Variants in JAKMIP1 observed in about 807,000 individuals in gnomAD.
JAKMIP1 encodes janus kinase and microtubule interacting protein 1.
In JAKMIP1, 33 loss-of-function variants were observed where a neutral mutation model predicts 113.0. The ratio of observed to expected loss-of-function variants is 0.29; its 90% confidence interval spans 0.22 to 0.39. The LOEUF is 0.39. Ranked by LOEUF, JAKMIP1 falls within the 10% of genes least tolerant of loss-of-function variation. The probability of loss-of-function intolerance (pLI) is 1.00; values close to 1 mark genes in which losing one functional copy is unlikely to be tolerated. For synonymous variants in JAKMIP1, 480 were observed against 459.9 expected, an observed-to-expected ratio of 1.04 and a Z score of -0.56; for missense variants, 813 against 1,080.5, an observed-to-expected ratio of 0.75 and a Z score of 3.47.
chr4:6,179,458 C>T lies in JAKMIP1; in HGVS notation c.-148+20795G>A, dbSNP rs1370779778. Among the ~76,000 whole-genome samples the T allele has an allele frequency of 6.6e-6, 1 of 152,214 alleles. No individual in the cohort carries two copies. Among genetic ancestry groups the T allele is most frequent in the Admixed American group, 6.5e-5 (1 of 15,288 alleles). On this transcript the variant is annotated intron_variant, in intron 1 of 20. Transcript: ENST00000409021. This position sits in a 1 kb window ranked among gnomAD's most constrained non-coding sequence, Gnocchi z 4.5. ...GGAGACCCTGCCCCATCCACCACCACCTCCTTCCTCTACCTTCCTGACACC... is the reference window on the plus strand; with the variant it reads ...GGAGACCCTGCCCCATCCACCACCATCTCCTTCCTCTACCTTCCTGACACC...
rs549031334 is a variant in JAKMIP1, at chr4:6,093,090, G to A, written c.625-7461C>T. Reference sequence around the variant, plus strand: ...CCCCATTACTTCCAAACCTTTGCCAGTGTTTCTCCCTCTGCATAGGATCAC... The same window carrying A: ...CCCCATTACTTCCAAACCTTTGCCAATGTTTCTCCCTCTGCATAGGATCAC... On this transcript the variant is annotated intron_variant, in intron 3 of 20. Transcript: ENST00000409021. This position sits in a 1 kb window ranked among gnomAD's most constrained non-coding sequence, Gnocchi z 4.6. Among the ~76,000 whole-genome samples, 7 of 152,144 alleles carry A rather than the reference G, an allele frequency of 4.6e-5. No individual in the cohort carries two copies. Among genetic ancestry groups the A allele is most frequent in the African/African-American group, 1.4e-4 (6 of 41,492 alleles).
At chr4:6,125,418 T>C (rs1717274462) in intron 1 of JAKMIP1, among the ~76,000 whole-genome samples, 1 of 152,104 alleles carries the variant, frequency 6.6e-6, no homozygotes, top group Non-Finnish European at 1.5e-5. Context: ...GCTCCATCTA[T>C]GGCTACAGTG....
intron 1 of JAKMIP1, among the ~76,000 whole-genome samples, chr4:6,190,985 G>C (rs1727196140): frequency 6.6e-6 from 1 of 152,242 alleles, no homozygotes; most frequent in African/African-American, 2.4e-5. Flanking sequence ...ATCAGAGCTG[G>C]TGTGGGGCAG....
At chr4:6,120,467 A>T (rs1345027898) in intron 1 of JAKMIP1, among the ~76,000 whole-genome samples, 1 of 152,164 alleles carries the variant, frequency 6.6e-6, no homozygotes. Context: ...CTCAGGACCC[A>T]AAAGTTATTG....
rs531721910 is a variant in JAKMIP1 at position 6,139,606 on chromosome 4, A to C, written c.-147-26609T>G. ...CATAGTGAAACCCCATCTCTACTAA[A>C]AATACAAAAATTAGCCAGGTGTGGT... On this transcript the variant is annotated intron_variant, in intron 1 of 20. Coordinates refer to ENST00000409021, the MANE Select transcript of JAKMIP1 (RefSeq NM_001099433.2). The surrounding 1 kb of genome is among the most constrained non-coding windows in gnomAD (Gnocchi z 5.2). 1.3e-5 allele frequency among the ~76,000 whole-genome samples: 2 copies of C among 152,112 alleles called. No individual in the cohort carries two copies. The highest frequency in any genetic ancestry group is 4.2e-4 in the South Asian group (2 of 4,818).
In JAKMIP1 at chr4:6,064,660, G is replaced by C. The variant is rs1054725379; in HGVS notation, c.1431+220C>G. ...GGAAATCAGTGCTGGGGAAAGAAAGGGTCCCCACGTGCTGCCCTCCCATCG... is the reference window on the plus strand; with the variant it reads ...GGAAATCAGTGCTGGGGAAAGAAAGCGTCCCCACGTGCTGCCCTCCCATCG... On this transcript the variant is annotated intron_variant, in intron 9 of 20. Coordinates refer to ENST00000409021, the MANE Select transcript of JAKMIP1 (RefSeq NM_001099433.2). This position sits in a 1 kb window ranked among gnomAD's most constrained non-coding sequence, Gnocchi z 4.3. Among the ~76,000 whole-genome samples the C allele has an allele frequency of 1.3e-5, 2 of 152,044 alleles. No homozygotes were observed. Among genetic ancestry groups the C allele is most frequent in the African/African-American group, 4.8e-5 (2 of 41,396 alleles).
chr4:6,141,497 G>C lies in JAKMIP1; in HGVS notation c.-147-28500C>G, dbSNP rs1005645690. The stretch of plus-strand genomic sequence containing the variant: ...AACAAACACAAAAAACAAAGTGGTA[G>C]ATGAAACCCTTCCTGGGTTGCTGCT... On this transcript the variant is annotated intron_variant, in intron 1 of 20. Coordinates refer to ENST00000409021, the MANE Select transcript of JAKMIP1 (RefSeq NM_001099433.2). The surrounding 1 kb of genome is among the most constrained non-coding windows in gnomAD (Gnocchi z 9.4). 1.3e-5 allele frequency among the ~76,000 whole-genome samples: 2 copies of C among 152,174 alleles called. No individual in the cohort carries two copies. The highest frequency in any genetic ancestry group is 2.9e-5 in the Non-Finnish European group (2 of 68,028).
At chr4:6,117,034 A>T (rs1311013911) in intron 1 of JAKMIP1, among the ~76,000 whole-genome samples, 1 of 152,246 alleles carries the variant, frequency 6.6e-6, no homozygotes, top group Non-Finnish European at 1.5e-5. Context: ...CGGCAACAGC[A>T]GAGCATTAAG....
At chr4:6,028,638 G>A (rs1278478222) in intron 20 of JAKMIP1, among the ~76,000 whole-genome samples, 4 of 152,154 alleles carry the variant, frequency 2.6e-5, no homozygotes, top group African/African-American at 9.7e-5. Context: ...AAATAAGTCA[G>A]CTTCCTCTCT....
At position 6,069,742 on chromosome 4, in the gene JAKMIP1, G is replaced by T; in HGVS notation, c.1303-4734C>A. Among the ~76,000 whole-genome samples the T allele has an allele frequency of 7.9e-6, 1 of 127,284 alleles. No homozygotes were observed. Among genetic ancestry groups the T allele is most frequent in the South Asian group, 2.7e-4 (1 of 3,738 alleles). 83.5% of individuals were successfully genotyped at this position (127,284 alleles called of 152,430 possible). A position where few individuals can be genotyped will look rare whatever the true frequency, so the allele number is the denominator to read the frequency against. Reference sequence around the variant, plus strand: ...CACTCCAGCCTGGGTGACAGGGCAAGATCCTGTCTCAAAAAAAAAAAAAAA... The same window carrying T: ...CACTCCAGCCTGGGTGACAGGGCAATATCCTGTCTCAAAAAAAAAAAAAAA... On this transcript the variant is annotated intron_variant, in intron 8 of 20. Transcript: ENST00000409021. The surrounding 1 kb of genome is among the most constrained non-coding windows in gnomAD (Gnocchi z 4.5).
At chr4:6,104,270 T>C (rs1713547054) in intron 3 of JAKMIP1, among the ~76,000 whole-genome samples, 1 of 152,250 alleles carries the variant, frequency 6.6e-6, no homozygotes, top group Non-Finnish European at 1.5e-5. Flanking sequence ...CTGTGTGTTC[T>C]ACTGTTTGCT....
At chr4:6,095,652 C>A (rs1251863771) in intron 3 of JAKMIP1, among the ~76,000 whole-genome samples, 1 of 152,240 alleles carries the variant, frequency 6.6e-6, no homozygotes, top group Non-Finnish European at 1.5e-5. Context: ...ACTGGCAGAA[C>A]ACACACGGTG....
chr4:6,152,789 A>AATATAT (rs35192547), intron 1 of JAKMIP1, among the ~76,000 whole-genome samples: 2,667 of 135,216 alleles, frequency 0.02, 55 homozygotes, highest in African/African-American at 0.043. Flanking sequence ...TAAAAATACA[A>AATATAT]ATATATATAT....
At chr4:6,169,665 G>A (rs1054605486) in intron 1 of JAKMIP1, among the ~76,000 whole-genome samples, 3 of 150,524 alleles carry the variant, frequency 2.0e-5, no homozygotes, top group African/African-American at 7.3e-5. Context: ...TGACGAAACT[G>A]CTGATCTAAG....
At chr4:6,169,890 G>T (rs1373710034) in intron 1 of JAKMIP1, among the ~76,000 whole-genome samples, 1 of 151,142 alleles carries the variant, frequency 6.6e-6, no homozygotes, top group South Asian at 2.1e-4. Flanking sequence ...GCTCACAAGA[G>T]TGCCTACAAT....
Position 6,135,438 on chromosome 4 carries a change from T to C in JAKMIP1, c.-147-22441A>G, listed in dbSNP as rs1446228083. 1.3e-5 allele frequency among the ~76,000 whole-genome samples: 2 copies of C among 151,958 alleles called. No individual in the cohort carries two copies. The highest frequency in any genetic ancestry group is 2.9e-5 in the Non-Finnish European group (2 of 67,978). On this transcript the variant is annotated intron_variant, in intron 1 of 20. Coordinates refer to ENST00000409021, the MANE Select transcript of JAKMIP1 (RefSeq NM_001099433.2). The surrounding 1 kb of genome is among the most constrained non-coding windows in gnomAD (Gnocchi z 4.9). ...GATCTCGGACTTCCAGTCTCCAGAA[T>C]TGGGAGCAAATGTCTGTGGTGTGAG...
Position 6,142,304 on chromosome 4 carries a change from G to A in JAKMIP1, c.-147-29307C>T, listed in dbSNP as rs767697529. On this transcript the variant is annotated intron_variant, in intron 1 of 20. Transcript: ENST00000409021. The surrounding 1 kb of genome is among the most constrained non-coding windows in gnomAD (Gnocchi z 5.5). ...ACGCTGCAAAGTTTCGAAGAGGCTC[G>A]TACCCATGTATGCCCGCACAGGCAG... is the stretch of plus-strand genomic sequence containing the variant. 7.2e-5 allele frequency among the ~76,000 whole-genome samples: 11 copies of A among 152,064 alleles called. No individual in the cohort carries two copies. The highest frequency in any genetic ancestry group is 1.0e-4 in the Non-Finnish European group (7 of 68,026).
At chr4:6,054,734 A>G (rs931837403) in intron 12 of JAKMIP1, 1 of 456,290 alleles carries the variant, frequency 2.2e-6, no homozygotes, top group African/African-American at 2.0e-5. Context: ...TCAGCCCACT[A>G]CTCCAGCCCT....
At chr4:6,121,666 C>T (rs1716737457) in intron 1 of JAKMIP1, among the ~76,000 whole-genome samples, 1 of 152,246 alleles carries the variant, frequency 6.6e-6, no homozygotes, top group Non-Finnish European at 1.5e-5. Context: ...CACACGCCAT[C>T]TACTCCAGTG....
Sources: allele counts gnomAD v4.1 joint callset (sites outside exome capture counted in the v4.1 genomes callset), GRCh38; gene constraint gnomAD v4.1.1; non-coding constraint Gnocchi (gnomAD v3.1); transcripts MANE v1.5; gene names NCBI Gene and HGNC (gene_info 2026-07-23, HGNC 2026-07-21).